The following CADM2 variants were observed in gnomAD, a reference collection of about 807,000 sequenced individuals.
CADM2 encodes the protein cell adhesion molecule 2.
A neutral mutation model predicts 49.8 loss-of-function variants in CADM2; 12 were observed. The observed-to-expected ratio is 0.24, with a 90% CI of 0.15 to 0.39. The LOEUF (loss-of-function observed/expected upper bound fraction) is 0.39. Among genes scored for constraint, CADM2 ranks in the 10% least tolerant of loss-of-function variants. The pLI is 1.00. For missense variants in CADM2, 378 were observed against 492.3 expected, an observed-to-expected ratio of 0.77 and a Z score of 2.20; for synonymous variants, 214 against 175.4, an observed-to-expected ratio of 1.22 and a Z score of -1.74.
chr3:85,998,040 C>T (rs1185716592), intron 8 of CADM2, among the ~76,000 whole-genome samples: 1 of 151,956 alleles, frequency 6.6e-6, no homozygotes. Context: ...TGAGAAAAAA[C>T]ACCTGACTTA....
chr3:85,382,148 C>CA (rs538987135), intron 1 of CADM2, among the ~76,000 whole-genome samples: 225 of 151,768 alleles, frequency 1.5e-3, no homozygotes, highest in African/African-American at 5.0e-3. Flanking sequence ...ATTTATAAAA[C>CA]AAAAATAAAA....
chr3:85,942,990 G>T (rs1316701754), intron 7 of CADM2, among the ~76,000 whole-genome samples: 2 of 152,056 alleles, frequency 1.3e-5, no homozygotes, highest in African/African-American at 2.4e-5. Flanking sequence ...ATCCTCTCCA[G>T]CACCTGTTGT....
intron 1 of CADM2, among the ~76,000 whole-genome samples, chr3:85,309,927 C>A (rs1245262981): frequency 6.6e-6 from 1 of 152,160 alleles, no homozygotes; most frequent in Non-Finnish European, 1.5e-5. Flanking sequence ...TGTTTCTGCT[C>A]TTTTTGTAAA....
chr3:85,511,091 T>C (rs1483875965), intron 1 of CADM2, among the ~76,000 whole-genome samples: 5 of 152,050 alleles, frequency 3.3e-5, no homozygotes. Context: ...TTCGAATGCC[T>C]ACCCTCACAC....
At chr3:85,980,010 A>G (rs1435183228) in intron 8 of CADM2, among the ~76,000 whole-genome samples, 2 of 151,516 alleles carry the variant, frequency 1.3e-5, no homozygotes, top group Non-Finnish European at 3.0e-5. Context: ...TATAAAAAGT[A>G]TTCCTGAGCA....
rs1439761545 is a variant in CADM2, at chr3:84,959,037, C to G, written c.-571C>G. ...GCCGCTGCCGCCACAGCCGCCGCTG[C>G]AGCCGGAGCATCCGGGAGCCGCCAC... On this transcript the variant is annotated 5_prime_UTR_variant, in exon 1 of 10. Transcript: ENST00000383699. The G allele has an allele frequency of 1.5e-5, 3 of 197,748 alleles. No individual in the cohort carries two copies. Among genetic ancestry groups the G allele is most frequent in the East Asian group, 1.7e-4 (1 of 5,778 alleles). 12.2% of individuals were successfully genotyped at this position (197,748 alleles called of 1,614,324 possible). A position where few individuals can be genotyped will look rare whatever the true frequency, so the allele number is the denominator to read the frequency against.
In CADM2 at chr3:85,605,167, C is replaced by T. The variant is rs368749667; in HGVS notation, c.62-121355C>T. On this transcript the variant is annotated intron_variant, in intron 1 of 9. Transcript: ENST00000383699. ...AAATACCAGTAATATGTGTATAGAA[C>T]GCAAGGGTGAAATTAAAGAGCTCTC... Among the ~76,000 whole-genome samples the T allele has an allele frequency of 7.2e-5, 11 of 151,904 alleles. No individual in the cohort carries two copies. In the South Asian group the frequency reaches 2.1e-3, roughly 29 times the overall value.
intron 1 of CADM2, among the ~76,000 whole-genome samples, chr3:85,366,105 G>A (rs2032764048): frequency 6.6e-6 from 1 of 152,176 alleles, no homozygotes; most frequent in South Asian, 2.1e-4. Flanking sequence ...CATAGGTGCT[G>A]TCTGTTCATC....
At chr3:85,949,913 G>T (rs902262465) in intron 7 of CADM2, among the ~76,000 whole-genome samples, 1 of 150,936 alleles carries the variant, frequency 6.6e-6, no homozygotes. Flanking sequence ...TGAATTGAAT[G>T]GTTTATAGGC....
chr3:85,336,695 C>T (rs2045086739), intron 1 of CADM2, among the ~76,000 whole-genome samples: 2 of 150,180 alleles, frequency 1.3e-5, no homozygotes, highest in African/African-American at 4.9e-5. Context: ...TTTTATGTTA[C>T]TAAGTGGTCA....
At chr3:85,454,439 A>G (rs754084270) in intron 1 of CADM2, among the ~76,000 whole-genome samples, 1 of 152,156 alleles carries the variant, frequency 6.6e-6, no homozygotes, top group African/African-American at 2.4e-5. Context: ...ACTGAGGAAA[A>G]AAATGGAGCT....
chr3:85,115,787 G>A (rs549185868), intron 1 of CADM2, among the ~76,000 whole-genome samples: 167 of 152,156 alleles, frequency 1.1e-3, no homozygotes, highest in Non-Finnish European at 1.9e-3. Context: ...TTTCATATTA[G>A]ACAATGCTAG....
At chr3:85,754,739 A>C (rs980184182) in intron 2 of CADM2, among the ~76,000 whole-genome samples, 2 of 152,356 alleles carry the variant, frequency 1.3e-5, no homozygotes, top group Non-Finnish European at 1.5e-5. Flanking sequence ...TGATTATTTC[A>C]AATTTCTTCA....
chr3:85,323,735 T>G (rs1201630231), intron 1 of CADM2, among the ~76,000 whole-genome samples: 15 of 152,184 alleles, frequency 9.9e-5, no homozygotes, highest in Non-Finnish European at 1.3e-4. Flanking sequence ...TCCCTAAATA[T>G]TTGTAGAAAA....
At chr3:85,665,331 T>C (rs1018845554) in intron 1 of CADM2, among the ~76,000 whole-genome samples, 2 of 151,968 alleles carry the variant, frequency 1.3e-5, no homozygotes, top group Admixed American at 6.6e-5. Flanking sequence ...AAATATAATT[T>C]AATTTTAATA....
intron 1 of CADM2, among the ~76,000 whole-genome samples, chr3:85,037,220 A>T (rs2107349003): frequency 6.6e-6 from 1 of 152,288 alleles, no homozygotes; most frequent in East Asian, 1.9e-4. Flanking sequence ...CTGTCATTGT[A>T]GTGTTGGCTG....
At chr3:85,470,560 C>T (rs1391922836) in intron 1 of CADM2, among the ~76,000 whole-genome samples, 2 of 152,092 alleles carry the variant, frequency 1.3e-5, no homozygotes, top group Non-Finnish European at 2.9e-5. Flanking sequence ...CCTCCCAATT[C>T]TGGAAATGAT....
At chr3:85,912,295 G>A in intron 5 of CADM2, 78 bp from the exon 6 acceptor site, 4 of 1,030,898 alleles carry the variant, frequency 3.9e-6, no homozygotes, top group Non-Finnish European at 5.5e-6. Context: ...GGGAGAAGCT[G>A]TTTCCATTAT....
At chr3:85,656,004 A>G (rs1329228136) in intron 1 of CADM2, among the ~76,000 whole-genome samples, 1 of 151,502 alleles carries the variant, frequency 6.6e-6, no homozygotes, top group African/African-American at 2.4e-5. Context: ...TCACTATCCT[A>G]ATTTAAGCTC....
Sources: gnomAD v4.1 joint callset for allele counts (sites outside exome capture counted in the v4.1 genomes callset) on GRCh38, gnomAD v4.1.1 for gene constraint, MANE v1.5 for transcripts, NCBI Gene and HGNC (gene_info 2026-07-23, HGNC 2026-07-21) for gene names.